The following CAMK2D variants were observed in gnomAD, a reference collection of about 807,000 sequenced individuals.
The protein encoded by CAMK2D is calcium/calmodulin dependent protein kinase II delta, also known as calcium/calmodulin-dependent protein kinase type II subunit delta.
In CAMK2D, 37 loss-of-function variants were observed where a neutral mutation model predicts 84.0. That is an observed-to-expected ratio of 0.44 (90% CI 0.34 to 0.58). CAMK2D has a LOEUF of 0.58. Among genes scored for constraint, CAMK2D ranks in the 20% least tolerant of loss-of-function variants. The pLI is 0.02. For missense variants in CAMK2D, 448 were observed against 652.5 expected, an observed-to-expected ratio of 0.69 and a Z score of 3.41; for synonymous variants, 202 against 212.5, an observed-to-expected ratio of 0.95 and a Z score of 0.43.
Position 113,457,355 on chromosome 4 carries a change from C to A in CAMK2D, c.1515G>T (p.Gly505=). Residue 505 remains glycine, a synonymous_variant, in exon 19 of 21, where the codon GGG becomes GGT. Transcript: ENST00000511664. ...KWQNVHFHRS[G]SPTVPIKPPC... is the part of the protein sequence containing the mutation. ...TTTACTTGATGGGTACTGTTGGTGACCCCGAGCGATGAAAATGAACATTCT... is the reference window on the plus strand; with the variant it reads ...TTTACTTGATGGGTACTGTTGGTGAACCCGAGCGATGAAAATGAACATTCT... 2 of 1,613,658 alleles carry A rather than the reference C, an allele frequency of 1.2e-6. No individual in the cohort carries two copies. Among genetic ancestry groups the A allele is most frequent in the South Asian group, 1.1e-5 (1 of 91,080 alleles).
chr4:113,659,445 T>C (rs927350961), intron 3 of CAMK2D, among the ~76,000 whole-genome samples: 2 of 152,216 alleles, frequency 1.3e-5, no homozygotes, highest in African/African-American at 2.4e-5. Flanking sequence ...ATTATTTGCA[T>C]ATAGAGTGTC....
intron 4 of CAMK2D, among the ~76,000 whole-genome samples, chr4:113,572,512 C>A (rs1487093509): frequency 6.6e-6 from 1 of 151,180 alleles, no homozygotes; most frequent in Admixed American, 6.6e-5. Flanking sequence ...ATACATGCAG[C>A]CAACAATTAT....
chr4:113,745,938 G>A (rs1416256358), intron 2 of CAMK2D, among the ~76,000 whole-genome samples: 1 of 152,160 alleles, frequency 6.6e-6, no homozygotes, highest in Non-Finnish European at 1.5e-5. Context: ...GGGATGGCAG[G>A]CCTTACAGCA....
chr4:113,761,427 G>C lies in CAMK2D; in HGVS notation c.-359C>G, dbSNP rs1022239608. ...GGAAATGGAAAAACAGCCAGGCACG[G>C]GACGAGTGGCAAGCAGTTGCGAAAC... On this transcript the variant is annotated 5_prime_UTR_variant, in exon 1 of 21. Coordinates refer to ENST00000511664, the MANE Select transcript of CAMK2D (RefSeq NM_001321571.2). The C allele has an allele frequency of 8.3e-7, 1 of 1,203,050 alleles. No homozygotes were observed. 74.5% of individuals were successfully genotyped at this position (1,203,050 alleles called of 1,614,324 possible). A position where few individuals can be genotyped will look rare whatever the true frequency, so the allele number is the denominator to read the frequency against.
intron 6 of CAMK2D, among the ~76,000 whole-genome samples, chr4:113,544,502 G>A (rs1372944316): frequency 6.6e-6 from 1 of 152,192 alleles, no homozygotes; most frequent in African/African-American, 2.4e-5. Flanking sequence ...TATTTTACTA[G>A]TTGAGTGATC....
intron 2 of CAMK2D, among the ~76,000 whole-genome samples, chr4:113,694,073 C>T (rs1041809344): frequency 1.3e-5 from 2 of 152,118 alleles, no homozygotes; most frequent in African/African-American, 4.8e-5. Flanking sequence ...ATTAAAGACG[C>T]ATTCATTATC....
chr4:113,661,682 C>A (rs2099232936), intron 3 of CAMK2D, 31 bp downstream of exon 3: 3 of 1,011,446 alleles, frequency 3.0e-6, no homozygotes, highest in Non-Finnish European at 2.9e-6. Context: ...TTTAAATTAA[C>A]ATTTAAAAAA....
chr4:113,645,961 G>A (rs1438023564), intron 3 of CAMK2D, among the ~76,000 whole-genome samples: 1 of 152,202 alleles, frequency 6.6e-6, no homozygotes, highest in African/African-American at 2.4e-5. Flanking sequence ...TTCAGAATAC[G>A]ATAAGGAGAT....
At chr4:113,517,522 A>G (rs753554791) in intron 9 of CAMK2D, 41 bp downstream of exon 9, 3 of 940,390 alleles carry the variant, frequency 3.2e-6, no homozygotes, top group Non-Finnish European at 4.9e-6. Flanking sequence ...CAGGCAAAAG[A>G]CAAACCTTCA....
At position 113,537,347 on chromosome 4, in the gene CAMK2D, A is replaced by G. The variant is rs779036954; in HGVS notation, c.511T>C (p.Trp171Arg). The G allele has an allele frequency of 6.3e-7, 1 of 1,594,738 alleles. No homozygotes were observed. The highest frequency in any genetic ancestry group is 8.6e-7 in the Non-Finnish European group (1 of 1,162,610). The change falls in exon 7 of 21, where the codon TGG becomes CGG. Residue 171 changes from tryptophan (W) to arginine (R), a missense_variant. Around this residue, in one of 7 missense-constraint regions of CAMK2D, gnomAD observed 60 missense variants for 70.0 expected, o/e 0.86. Coordinates refer to ENST00000511664, the MANE Select transcript of CAMK2D (RefSeq NM_001321571.2). ...AIEVQGDQQAWFGFAGTPGYL... is the reference protein window; with the variant it reads ...AIEVQGDQQARFGFAGTPGYL... ...AGGAGGGGGCCCTACTCACCAAACC[A>G]CGCCTGCTGGTCCCCTTGAACTTCT...
intron 8 of CAMK2D, among the ~76,000 whole-genome samples, chr4:113,528,614 C>T (rs2098437713): frequency 6.6e-6 from 1 of 151,836 alleles, no homozygotes; most frequent in African/African-American, 2.4e-5. Context: ...TATTGTATGC[C>T]ACACTATCCC....
At chr4:113,726,823 T>A (rs2099547206) in intron 2 of CAMK2D, among the ~76,000 whole-genome samples, 1 of 152,130 alleles carries the variant, frequency 6.6e-6, no homozygotes, top group South Asian at 2.1e-4. Context: ...GAAAATATAT[T>A]ACTAGTCAAA....
intron 2 of CAMK2D, among the ~76,000 whole-genome samples, chr4:113,746,963 A>T (rs550510921): frequency 1.4e-5 from 2 of 147,492 alleles, no homozygotes; most frequent in South Asian, 2.1e-4. Flanking sequence ...AAAAAAAAAA[A>T]ATCTACCATT....
rs182721576 is a variant in CAMK2D at position 113,626,801 on chromosome 4, G to A, written c.221-17595C>T. 4.6e-5 allele frequency among the ~76,000 whole-genome samples: 7 copies of A among 152,204 alleles called. No individual in the cohort carries two copies. The East Asian group carries it at 1.4e-3, about 29-fold the overall frequency. ...CATCTAACTTTAAACAACATTTCTC[G>A]TAATGATGATGTATAATTCACAATG... On this transcript the variant is annotated intron_variant, in intron 3 of 20. Transcript: ENST00000511664.
intron 2 of CAMK2D, among the ~76,000 whole-genome samples, chr4:113,724,015 T>C (rs2099538788): frequency 1.3e-5 from 2 of 152,154 alleles, no homozygotes; most frequent in South Asian, 4.1e-4. Context: ...GTTAATAAAA[T>C]TCCTAATGTT....
At chr4:113,579,582 TC>T (rs1439791321) in intron 4 of CAMK2D, among the ~76,000 whole-genome samples, 2 of 152,128 alleles carry the variant, frequency 1.3e-5, no homozygotes, top group African/African-American at 4.8e-5. Flanking sequence ...TCTCTCTTGC[TC>T]CCTCTCTTGC....
chr4:113,459,638 C>CTTTTT (rs35827287), intron 18 of CAMK2D, among the ~76,000 whole-genome samples: 1 of 133,422 alleles, frequency 7.5e-6, no homozygotes, highest in Non-Finnish European at 1.6e-5. Flanking sequence ...ATCAACATTA[C>CTTTTT]TTTTTTTTTT....
chr4:113,584,837 A>T (rs1289777114), intron 4 of CAMK2D, among the ~76,000 whole-genome samples: 1 of 152,184 alleles, frequency 6.6e-6, no homozygotes, highest in Non-Finnish European at 1.5e-5. Context: ...AAAAGATATT[A>T]ATGATGCCTA....
At chr4:113,758,007 GCC>G (rs1208250455) in intron 2 of CAMK2D, among the ~76,000 whole-genome samples, 1 of 152,082 alleles carries the variant, frequency 6.6e-6, no homozygotes, top group Non-Finnish European at 1.5e-5. Flanking sequence ...CCCCACCACA[GCC>G]AAAAGTATCT....
Sources: allele counts gnomAD v4.1 joint callset (sites outside exome capture counted in the v4.1 genomes callset), GRCh38; gene constraint gnomAD v4.1.1; regional missense constraint gnomAD v4.1.1; transcripts MANE v1.5; gene names NCBI Gene and HGNC (gene_info 2026-07-23, HGNC 2026-07-21).